LETM2: variants seen among roughly 807,000 people sequenced by gnomAD.
LETM2 encodes leucine zipper and EF-hand containing transmembrane protein 2.
A neutral mutation model predicts 59.6 loss-of-function variants in LETM2; 58 were observed. The observed-to-expected ratio is 0.97, with a 90% CI of 0.79 to 1.21. The LOEUF is 1.21. Ranked by LOEUF, LETM2 falls within the 50% of genes most tolerant of loss-of-function variation. The pLI is 0.00. For synonymous variants in LETM2, 199 were observed against 214.1 expected, an observed-to-expected ratio of 0.93 and a Z score of 0.62; for missense variants, 572 against 575.7, an observed-to-expected ratio of 0.99 and a Z score of 0.07.
rs1813758719 is a variant in LETM2, at chr8:38,406,836, G to A, written c.1219-110G>A. ...GGGTGTAGCTAGAGGAGGAAGTTAG[G>A]GATTTAGTGGAAAGCAAATAGTGCT... On this transcript the variant is annotated intron_variant, in intron 8 of 10. Coordinates refer to ENST00000379957, the MANE Select transcript of LETM2 (RefSeq NM_001286819.2). 4.6e-6 allele frequency: 3 copies of A among 658,544 alleles called. No homozygotes were observed. In the South Asian group the frequency reaches 5.7e-5, roughly 13 times the overall value. The allele number at this position is 658,544 out of a possible 1,614,324, so 40.8% of individuals were successfully genotyped here.
At chr8:38,396,338 A>G (rs942825538) in intron 4 of LETM2, among the ~76,000 whole-genome samples, 5 of 151,658 alleles carry the variant, frequency 3.3e-5, no homozygotes, top group African/African-American at 1.2e-4. Context: ...TAATTTTTGT[A>G]TTTTTAGTAG....
upstream of LETM2, among the ~76,000 whole-genome samples, chr8:38,385,246 T>C (rs1209504121): frequency 6.6e-6 from 1 of 152,222 alleles, no homozygotes; most frequent in Non-Finnish European, 1.5e-5. Context: ...TCTGCATTTT[T>C]TACTGACGTT....
At chr8:38,385,063 G>T (rs772956086), upstream of LETM2, among the ~76,000 whole-genome samples, 2 of 152,194 alleles carry the variant, frequency 1.3e-5, no homozygotes, top group Non-Finnish European at 2.9e-5. Context: ...AGAGTCCAAA[G>T]CTTTGTAGAT....
chr8:38,391,300 G>GTTTTTTTTTTTTTTTTT (rs761566202), intron 2 of LETM2, among the ~76,000 whole-genome samples: 1 of 109,164 alleles, frequency 9.2e-6, no homozygotes, highest in Non-Finnish European at 1.9e-5. Context: ...TTTTATTTTA[G>GTTTTTTTTTTTTTTTTT]TTTTTTTTTT....
At chr8:38,401,229 C>G (rs1009397425) in intron 6 of LETM2, among the ~76,000 whole-genome samples, 176 bp downstream of exon 6, 1 of 152,148 alleles carries the variant, frequency 6.6e-6, no homozygotes, top group African/African-American at 2.4e-5. Context: ...CTCCACCTCC[C>G]GGGTTCAAGT....
chr8:38,388,071 C>A, intron 2 of LETM2, 41 bp downstream of exon 2: 22 of 1,215,040 alleles, frequency 1.8e-5, no homozygotes, highest in East Asian at 2.6e-5. Context: ...CGTAATTCTT[C>A]TTCTTCTTCT....
At chr8:38,407,772 T>C (rs1813851558) in intron 10 of LETM2, among the ~76,000 whole-genome samples, 1 of 152,224 alleles carries the variant, frequency 6.6e-6, no homozygotes, top group Non-Finnish European at 1.5e-5. Context: ...TACACATGCT[T>C]CCGACGTGAG....
chr8:38,388,915 G>A (rs553432499), intron 2 of LETM2, among the ~76,000 whole-genome samples: 21 of 151,904 alleles, frequency 1.4e-4, no homozygotes, highest in African/African-American at 4.3e-4. Context: ...ACAGGCATGC[G>A]CCGCCATGTC....
chr8:38,385,111 A>T (rs571150716), upstream of LETM2, among the ~76,000 whole-genome samples: 24 of 152,372 alleles, frequency 1.6e-4, 1 homozygote, highest in East Asian at 2.1e-3. Context: ...TGAAACCTTT[A>T]TGTGCAAAGT....
chr8:38,393,942 C>T (rs1812492850), intron 3 of LETM2, 156 bp from the exon 4 acceptor site: 2 of 529,178 alleles, frequency 3.8e-6, no homozygotes, highest in South Asian at 4.3e-5. Flanking sequence ...ATTGCGTGAG[C>T]CCAGGAGTTT....
upstream of LETM2, among the ~76,000 whole-genome samples, chr8:38,384,356 G>T (rs1172086002): frequency 6.6e-6 from 1 of 152,104 alleles, no homozygotes; most frequent in Admixed American, 6.6e-5. Flanking sequence ...GTCTTTTCCT[G>T]CAAAACATTA....
chr8:38,395,351 G>C (rs1294425318), intron 4 of LETM2, among the ~76,000 whole-genome samples: 1 of 152,220 alleles, frequency 6.6e-6, no homozygotes, highest in Non-Finnish European at 1.5e-5. Flanking sequence ...CAACAAATGA[G>C]AGTACCAGCA....
intron 10 of LETM2, chr8:38,407,918 T>G: frequency 2.5e-6 from 1 of 404,114 alleles, no homozygotes; most frequent in Non-Finnish European, 4.6e-6. Flanking sequence ...GAGTAAACAG[T>G]GGGGAGGTTG....
In LETM2 at chr8:38,400,865, C is replaced by A. The variant is rs1411116945; in HGVS notation, c.796C>A (p.His266Asn). The A allele has an allele frequency of 6.2e-7, 1 of 1,614,096 alleles. No homozygotes were observed. ...TCCCACTGCATAGGTCCAGACAGGC[C>A]ACAAGCCCAGCACAAAGGAGATAGT... ...SSYVKQVQTG[H>N]KPSTKEIVRF... Residue 266 changes from histidine (H) to asparagine (N), a missense_variant, in exon 6 of 11, where the codon CAC (histidine) becomes AAC (asparagine). His to Asn is a moderately conservative substitution (Grantham distance 68). Transcript: ENST00000379957.
At chr8:38,393,962 C>A (rs1434591372) in intron 3 of LETM2, 136 bp from the exon 4 acceptor site, 1 of 678,902 alleles carries the variant, frequency 1.5e-6, no homozygotes, top group Non-Finnish European at 2.2e-6. Flanking sequence ...TGAGGCCAGA[C>A]TGGGCAACAT....
intron 8 of LETM2, among the ~76,000 whole-genome samples, chr8:38,406,245 T>G (rs1200878526): frequency 1.3e-5 from 2 of 152,224 alleles, no homozygotes; most frequent in African/African-American, 2.4e-5. Context: ...ATTTTATCAT[T>G]TATTATTAGA....
At position 38,408,257 on chromosome 8, in the gene LETM2, A is replaced by G. The variant is rs1212681083; in HGVS notation, c.1459A>G (p.Ser487Gly). The change falls in exon 11 of 11, where the codon AGT (serine) becomes GGT (glycine). Residue 487 changes from serine (S) to glycine (G), a missense_variant. By Grantham distance (56) the Ser-to-Gly change is moderately conservative (BLOSUM62 0). Coordinates refer to ENST00000379957, the MANE Select transcript of LETM2 (RefSeq NM_001286819.2). Reference sequence around the variant, plus strand: ...AATGACGGCCCAGAACAGCAAGGCTAGTTCAAAAGGAGCATAAAGGACTAC... The same window carrying G: ...AATGACGGCCCAGAACAGCAAGGCTGGTTCAAAAGGAGCATAAAGGACTAC... ...SQMTAQNSKA[S>G]SKGA 2 of 1,613,034 alleles carry G rather than the reference A, an allele frequency of 1.2e-6. No homozygotes were observed. The highest frequency in any genetic ancestry group is 8.5e-7 in the Non-Finnish European group (1 of 1,179,568).
At chr8:38,388,474 C>T (rs1378601689) in intron 2 of LETM2, among the ~76,000 whole-genome samples, 1 of 150,730 alleles carries the variant, frequency 6.6e-6, no homozygotes, top group Non-Finnish European at 1.5e-5. Flanking sequence ...GTAATCCCAG[C>T]ACTTTGGGAG....
At chr8:38,406,193 T>C (rs1377655833) in intron 8 of LETM2, among the ~76,000 whole-genome samples, 1 of 152,254 alleles carries the variant, frequency 6.6e-6, no homozygotes, top group Non-Finnish European at 1.5e-5. Flanking sequence ...TCTCCCCATC[T>C]TCCTTGCGTT....
Sources: allele counts gnomAD v4.1 joint callset (sites outside exome capture counted in the v4.1 genomes callset), GRCh38; gene constraint gnomAD v4.1.1; transcripts MANE v1.5; gene names NCBI Gene and HGNC (gene_info 2026-07-23, HGNC 2026-07-21).